Variants in GSDME observed in about 807,000 individuals in gnomAD.
GSDME encodes the protein gasdermin-E.
A neutral mutation model predicts 47.5 loss-of-function variants in GSDME; 44 were observed. The observed-to-expected ratio is 0.93, with a 90% CI of 0.73 to 1.19. GSDME has a LOEUF of 1.19. GSDME is among the 50% of genes most tolerant of loss of function. The pLI, the probability that GSDME is intolerant of heterozygous loss-of-function variation, is 0.00. For synonymous variants in GSDME, 258 were observed against 252.8 expected, an observed-to-expected ratio of 1.02 and a Z score of -0.20; for missense variants, 663 against 604.2, an observed-to-expected ratio of 1.10 and a Z score of -1.02.
chr7:24,756,087 A>C lies in GSDME; in HGVS notation c.-20+1309T>G, dbSNP rs1311235577. ...TTAATATTTCATCATTTCTTTCTAA[A>C]ATAAAAATCGGTATGTGAACGCAAT... On this transcript the variant is annotated intron_variant, in intron 1 of 9. Transcript: ENST00000645220. This position sits in a 1 kb window ranked among gnomAD's most constrained non-coding sequence, Gnocchi z 4.2. 6.6e-6 allele frequency among the ~76,000 whole-genome samples: 1 copy of C among 152,236 alleles called. No homozygotes were observed. Among genetic ancestry groups the C allele is most frequent in the East Asian group, 1.9e-4 (1 of 5,204 alleles).
the GSDME span, among the ~76,000 whole-genome samples, chr7:24,768,913 C>T: frequency 6.6e-6 from 1 of 152,130 alleles, no homozygotes; most frequent in African/African-American, 2.4e-5. The surrounding 1 kb of genome is among the most constrained non-coding windows in gnomAD (Gnocchi z 5.6). Context: ...TCATTGAGCC[C>T]CTGGTATGTG....
chr7:24,749,988 A>C (rs1233620178), intron 1 of GSDME, among the ~76,000 whole-genome samples, 195 bp from the exon 2 acceptor site: 1 of 152,198 alleles, frequency 6.6e-6, no homozygotes, highest in African/African-American at 2.4e-5. Context: ...TATATATACC[A>C]GTCTGGATAT....
rs149028688 is a variant in GSDME at position 24,717,270 on chromosome 7, T to G, written c.681A>C (p.Lys227Asn). The change falls in exon 5 of 10, where the codon AAA becomes AAC. Residue 227 changes from lysine (K) to asparagine (N), a missense_variant. Physicochemically the swap from Lys to Asn is moderately conservative, Grantham distance 94 (BLOSUM62 0). Coordinates refer to ENST00000645220, the MANE Select transcript of GSDME (RefSeq NM_001127453.2). Reference sequence around the variant, plus strand: ...GGCACTCACCGAACTGGCCGTCCAGTTTCACGTATAACTCAATGACACCGT... The same window carrying G: ...GGCACTCACCGAACTGGCCGTCCAGGTTCACGTATAACTCAATGACACCGT... ...IAYGVIELYVKLDGQFEFCLL... is the reference protein window; with the variant it reads ...IAYGVIELYVNLDGQFEFCLL... 2.0e-5 allele frequency: 32 copies of G among 1,591,772 alleles called. No individual in the cohort carries two copies. The highest frequency in any genetic ancestry group is 2.6e-5 in the Non-Finnish European group (31 of 1,170,008).
At chr7:24,703,125 A>G in intron 8 of GSDME, 1 of 372,626 alleles carries the variant, frequency 2.7e-6, no homozygotes, top group Non-Finnish European at 5.2e-6. Flanking sequence ...AGGAAAGGAA[A>G]CAGCATGGAA....
At chr7:24,699,697 A>G (rs1301532451) in intron 9 of GSDME, among the ~76,000 whole-genome samples, 2 of 152,174 alleles carry the variant, frequency 1.3e-5, no homozygotes, top group Non-Finnish European at 2.9e-5. Context: ...GAGGTGTAAC[A>G]TGATATATTT....
the GSDME span, among the ~76,000 whole-genome samples, chr7:24,776,519 CTATTT>C: frequency 6.6e-6 from 1 of 152,194 alleles, no homozygotes; most frequent in Admixed American, 6.5e-5. Flanking sequence ...CCACTCCCAA[CTATTT>C]TATTTTGAAG....
Position 24,721,134 on chromosome 7 carries a change from C to T in GSDME, c.405-1916G>A, listed in dbSNP as rs1003048077. On this transcript the variant is annotated intron_variant, in intron 3 of 9. Transcript: ENST00000645220. This position sits in a 1 kb window ranked among gnomAD's most constrained non-coding sequence, Gnocchi z 4.1. ...GCTGCAGAGTTCCTAGTTGAGGTGA[C>T]GAAGAAGTTCTAGAAATGCAGAGTA... Among the ~76,000 whole-genome samples, 8 of 152,148 alleles carry T rather than the reference C, an allele frequency of 5.3e-5. No homozygotes were observed. Among genetic ancestry groups the T allele is most frequent in the African/African-American group, 7.2e-5 (3 of 41,494 alleles).
At position 24,701,378 on chromosome 7, in the gene GSDME, A is replaced by C. The variant is rs145679527; in HGVS notation, c.1257+1382T>G. ...ATGTGTTCTGGCTGCTGCTCTTAGA[A>C]CACCAACAGAGCAGAACTTGGGGGT... On this transcript the variant is annotated intron_variant, in intron 9 of 9. Transcript: ENST00000645220. Among the ~76,000 whole-genome samples the C allele has an allele frequency of 3.0e-3, 450 of 152,340 alleles. 4 individuals carry two copies. Among genetic ancestry groups the C allele is most frequent in the Middle Eastern group, 0.017 (5 of 294 alleles).
chr7:24,708,058 C>T (rs1017794026), intron 7 of GSDME, 69 bp downstream of exon 7: 10 of 1,594,946 alleles, frequency 6.3e-6, no homozygotes, highest in Admixed American at 5.0e-5. Flanking sequence ...AACACAATTC[C>T]ATCCTGCCTC....
At chr7:24,715,516 C>G (rs1450015092) in intron 5 of GSDME, 1 of 470,842 alleles carries the variant, frequency 2.1e-6, no homozygotes, top group Non-Finnish European at 4.4e-6. Context: ...GGGAGTGACA[C>G]ATTCACCACT....
At chr7:24,793,270 A>G in the GSDME span, among the ~76,000 whole-genome samples, 4 of 152,220 alleles carry the variant, frequency 2.6e-5, no homozygotes, top group East Asian at 1.9e-4. Context: ...TTTGTAAAAG[A>G]GCAGGTTAGT....
At chr7:24,779,188 A>G in the GSDME span, among the ~76,000 whole-genome samples, 1 of 152,256 alleles carries the variant, frequency 6.6e-6, no homozygotes. The surrounding 1 kb of genome is among the most constrained non-coding windows in gnomAD (Gnocchi z 6.0). Context: ...CAGATGCAGA[A>G]GCTGAAAGAT....
Position 24,710,223 on chromosome 7 carries a change from C to T in GSDME, c.862+1G>A. On this transcript the variant is annotated splice_donor_variant, in intron 6 of 9. Coordinates refer to ENST00000645220, the MANE Select transcript of GSDME (RefSeq NM_001127453.2). LOFTEE classifies it high-confidence loss of function. ...CACTACTCCTGCCCTGCTGGCAATACCTTGCTTTAAAACACTTAATGGTCC... is the reference window on the plus strand; with the variant it reads ...CACTACTCCTGCCCTGCTGGCAATATCTTGCTTTAAAACACTTAATGGTCC... 3.7e-6 allele frequency: 6 copies of T among 1,613,690 alleles called. No homozygotes were observed. Among genetic ancestry groups the T allele is most frequent in the Non-Finnish European group, 5.1e-6 (6 of 1,180,022 alleles).
At chr7:24,743,601 G>A (rs1393829710) in intron 3 of GSDME, among the ~76,000 whole-genome samples, 1 of 152,008 alleles carries the variant, frequency 6.6e-6, no homozygotes, top group Non-Finnish European at 1.5e-5. Flanking sequence ...CCTTTCCAGT[G>A]GCCTTCAAGG....
the GSDME span, among the ~76,000 whole-genome samples, chr7:24,766,183 T>TTG: frequency 0.18 from 25,445 of 144,414 alleles, 2,283 homozygotes; most frequent in African/African-American, 0.23. This position sits in a 1 kb window ranked among gnomAD's most constrained non-coding sequence, Gnocchi z 4.2. Context: ...ATTACATTAT[T>TTG]TGTGTGTGTG....
rs141965657 is a variant in GSDME, at chr7:24,717,918, A to G, written c.577-544T>C. On this transcript the variant is annotated intron_variant, in intron 4 of 9. Coordinates refer to ENST00000645220, the MANE Select transcript of GSDME (RefSeq NM_001127453.2). ...AGTCAGGCACCAAGCTCCTGCCTTT[A>G]AACACTCTCACAAACAGGACCCCTT... is the stretch of plus-strand genomic sequence containing the variant. Among the ~76,000 whole-genome samples, 443 of 152,332 alleles carry G rather than the reference A, an allele frequency of 2.9e-3. 1 individual carries two copies. The highest frequency in any genetic ancestry group is 0.01 in the African/African-American group (432 of 41,578).
At chr7:24,776,852 T>A in the GSDME span, among the ~76,000 whole-genome samples, 4 of 149,072 alleles carry the variant, frequency 2.7e-5, no homozygotes, top group Admixed American at 6.7e-5. Flanking sequence ...TATATGTGTG[T>A]ATACCTATAG....
chr7:24,740,549 T>G (rs140833366), intron 3 of GSDME, among the ~76,000 whole-genome samples: 1 of 152,240 alleles, frequency 6.6e-6, no homozygotes, highest in Non-Finnish European at 1.5e-5. Context: ...TTACATGATG[T>G]GATTATTATA....
Position 24,702,901 on chromosome 7 carries a change from G to A in GSDME, c.1184-68C>T. 5.2e-6 allele frequency: 7 copies of A among 1,353,330 alleles called. No homozygotes were observed. In the South Asian group the frequency reaches 7.1e-5, roughly 14 times the overall value. The allele number at this position is 1,353,330 out of a possible 1,614,324, so 83.8% of individuals were successfully genotyped here. A position where few individuals can be genotyped will look rare whatever the true frequency, so the allele number is the denominator to read the frequency against. ...TCCATGGGAACAGAGCCAGCCCCTG[G>A]ATGGCACCTAACTTATATTTTAGTA... On this transcript the variant is annotated intron_variant, in intron 8 of 9. Coordinates refer to ENST00000645220, the MANE Select transcript of GSDME (RefSeq NM_001127453.2).
Sources: allele counts gnomAD v4.1 joint callset (sites outside exome capture counted in the v4.1 genomes callset), GRCh38; gene constraint gnomAD v4.1.1; non-coding constraint Gnocchi (gnomAD v3.1); transcripts MANE v1.5; gene names NCBI Gene and HGNC (gene_info 2026-07-23, HGNC 2026-07-21).